MACROD2: variants seen among roughly 807,000 people sequenced by gnomAD.
MACROD2 encodes ADP-ribose glycohydrolase MACROD2.
A neutral mutation model predicts 70.4 loss-of-function variants in MACROD2; 36 were observed. That is an observed-to-expected ratio of 0.51 (90% CI 0.39 to 0.68). The LOEUF (loss-of-function observed/expected upper bound fraction) is 0.68, where lower values mean the gene tolerates loss of function less well. Ranked by LOEUF, MACROD2 falls within the 30% of genes least tolerant of loss-of-function variation. The pLI is 0.00. For missense variants in MACROD2, 496 were observed against 538.4 expected (o/e 0.92, Z 0.78); for synonymous variants, 172 against 178.8 (o/e 0.96, Z 0.30).
intron 5 of MACROD2, among the ~76,000 whole-genome samples, chr20:15,084,066 T>G (rs200679297): frequency 0.21 from 14,299 of 68,328 alleles, 897 homozygotes; most frequent in South Asian, 0.43. Context: ...TAGGTTTTTT[T>G]TTTTTGTTTT....
intron 3 of MACROD2, among the ~76,000 whole-genome samples, chr20:14,154,569 T>TCG (rs2055070100): frequency 7.4e-6 from 1 of 134,854 alleles, no homozygotes; most frequent in Non-Finnish European, 1.6e-5. Context: ...TTTTTTTTTT[T>TCG]TTTTTTTTTT....
At chr20:14,986,808 C>T (rs1291046123) in intron 5 of MACROD2, among the ~76,000 whole-genome samples, 1 of 152,172 alleles carries the variant, frequency 6.6e-6, no homozygotes, top group Non-Finnish European at 1.5e-5. Context: ...CCGTCACCTC[C>T]TCAGAATCTT....
chr20:14,845,587 C>A (rs755671164), intron 5 of MACROD2, among the ~76,000 whole-genome samples: 1 of 152,034 alleles, frequency 6.6e-6, no homozygotes, highest in Admixed American at 6.6e-5. Flanking sequence ...CAATTACTCT[C>A]CCAGCAATGC....
chr20:14,824,443 G>A (rs1051669875), intron 5 of MACROD2, among the ~76,000 whole-genome samples: 4 of 152,184 alleles, frequency 2.6e-5, no homozygotes, highest in African/African-American at 9.6e-5. Context: ...ATTCAGTGGG[G>A]ATGGCTTATC....
chr20:14,508,993 A>T (rs1181208166), intron 4 of MACROD2, among the ~76,000 whole-genome samples: 1 of 152,172 alleles, frequency 6.6e-6, no homozygotes, highest in Non-Finnish European at 1.5e-5. Flanking sequence ...ATGTATTTGC[A>T]CTCAATGGAA....
At chr20:15,967,125 A>G (rs2147406853) in intron 12 of MACROD2, among the ~76,000 whole-genome samples, 1 of 152,262 alleles carries the variant, frequency 6.6e-6, no homozygotes, top group African/African-American at 2.4e-5. Context: ...CTGGATTTCA[A>G]GGTTCTGTAT....
At chr20:15,548,272 C>A (rs1282086768) in intron 8 of MACROD2, among the ~76,000 whole-genome samples, 1 of 152,152 alleles carries the variant, frequency 6.6e-6, no homozygotes, top group Non-Finnish European at 1.5e-5. Flanking sequence ...GTTTGAAATG[C>A]CACAGTTAAA....
At chr20:14,295,512 AG>A (rs2082419534) in intron 3 of MACROD2, among the ~76,000 whole-genome samples, 1 of 151,110 alleles carries the variant, frequency 6.6e-6, no homozygotes, top group African/African-American at 2.4e-5. Context: ...GACTGGAGTT[AG>A]GGGAAACCCA....
intron 4 of MACROD2, among the ~76,000 whole-genome samples, chr20:14,681,042 C>A: frequency 6.6e-6 from 1 of 152,138 alleles, no homozygotes; most frequent in Non-Finnish European, 1.5e-5. Flanking sequence ...TTTGGCAAGA[C>A]ATCTAGCATT....
chr20:14,237,491 A>G (rs2081887172), intron 3 of MACROD2, among the ~76,000 whole-genome samples: 1 of 151,168 alleles, frequency 6.6e-6, no homozygotes, highest in South Asian at 2.1e-4. Context: ...TGCCTCATAT[A>G]TCTCTTTAGC....
intron 4 of MACROD2, among the ~76,000 whole-genome samples, chr20:14,504,031 T>C (rs1297658431): frequency 6.6e-6 from 1 of 152,232 alleles, no homozygotes; most frequent in South Asian, 2.1e-4. Context: ...ATCCCTACTG[T>C]GTCTCCATCA....
At chr20:15,050,440 T>C (rs2123050458) in intron 5 of MACROD2, among the ~76,000 whole-genome samples, 1 of 151,832 alleles carries the variant, frequency 6.6e-6, no homozygotes, top group African/African-American at 2.4e-5. Flanking sequence ...AAATACTCGA[T>C]ACTCATATAT....
At chr20:14,760,299 G>C (rs776389917) in intron 5 of MACROD2, among the ~76,000 whole-genome samples, 14 of 151,968 alleles carry the variant, frequency 9.2e-5, no homozygotes, top group Non-Finnish European at 1.8e-4. Flanking sequence ...TTGCAATCTT[G>C]GAAGTGCTTA....
At chr20:15,102,290 T>C (rs1422512834) in intron 5 of MACROD2, among the ~76,000 whole-genome samples, 1 of 152,072 alleles carries the variant, frequency 6.6e-6, no homozygotes, top group African/African-American at 2.4e-5. Context: ...AATCTAACTA[T>C]ATGAAATATT....
intron 5 of MACROD2, among the ~76,000 whole-genome samples, chr20:14,929,769 G>A (rs1218091395): frequency 1.3e-5 from 2 of 152,100 alleles, no homozygotes; most frequent in Non-Finnish European, 2.9e-5. Context: ...AGTAACAGAA[G>A]ATGCTCTTCT....
chr20:14,895,979 G>A (rs1410012259), intron 5 of MACROD2, among the ~76,000 whole-genome samples: 2 of 152,186 alleles, frequency 1.3e-5, no homozygotes, highest in Non-Finnish European at 2.9e-5. Flanking sequence ...AATTGGAAAT[G>A]CGTTAGGTCA....
intron 5 of MACROD2, among the ~76,000 whole-genome samples, chr20:14,846,766 C>T (rs1300843981): frequency 2.0e-5 from 3 of 150,998 alleles, no homozygotes; most frequent in African/African-American, 7.3e-5. Flanking sequence ...ATCCGCCTGT[C>T]TCGGCCTCCC....
intron 5 of MACROD2, among the ~76,000 whole-genome samples, chr20:15,071,277 A>T (rs1342588504): frequency 6.6e-6 from 1 of 152,230 alleles, no homozygotes; most frequent in Non-Finnish European, 1.5e-5. Flanking sequence ...ATCTGATTCC[A>T]CTAAATCAGC....
chr20:14,918,977 T>G (rs1261090055), intron 5 of MACROD2, among the ~76,000 whole-genome samples: 1 of 152,158 alleles, frequency 6.6e-6, no homozygotes, highest in Non-Finnish European at 1.5e-5. Flanking sequence ...GAAGAAGAAT[T>G]AAACTGAATG....
Sources: gnomAD v4.1 joint callset for allele counts (sites outside exome capture counted in the v4.1 genomes callset) on GRCh38, gnomAD v4.1.1 for gene constraint, MANE v1.5 for transcripts, NCBI Gene and HGNC (gene_info 2026-07-23, HGNC 2026-07-21) for gene names.